Variants in PRKN observed in about 807,000 individuals in gnomAD.
PRKN encodes the protein E3 ubiquitin-protein ligase parkin.
Under a neutral mutation model 59.5 loss-of-function variants are expected in PRKN, and 56 were observed. The ratio of observed to expected loss-of-function variants is 0.94; its 90% CI spans 0.76 to 1.18. The LOEUF (loss-of-function observed/expected upper bound fraction) is 1.18, where lower values mean the gene tolerates loss of function less well. Ranked by LOEUF, PRKN falls within the 50% of genes most tolerant of loss-of-function variation. PRKN has a pLI of 0.00. For missense variants in PRKN, 657 were observed against 596.4 expected (o/e 1.10, Z -1.06); for synonymous variants, 250 against 222.1 (o/e 1.13, Z -1.12).
chr6:161,829,400 GTT>G (rs1353651261), intron 6 of PRKN, among the ~76,000 whole-genome samples: 1 of 152,160 alleles, frequency 6.6e-6, no homozygotes, highest in Non-Finnish European at 1.5e-5. Flanking sequence ...TGACAGTTTT[GTT>G]TTGTTTTTTC....
intron 1 of PRKN, among the ~76,000 whole-genome samples, chr6:162,513,551 GAGAA>G (rs1481883322): frequency 1.3e-5 from 2 of 152,142 alleles, no homozygotes; most frequent in African/African-American, 2.4e-5. Flanking sequence ...GAGAGAGACA[GAGAA>G]AGAAGGAAGG....
At chr6:161,553,067 T>C in intron 8 of PRKN, among the ~76,000 whole-genome samples, 1 of 151,042 alleles carries the variant, frequency 6.6e-6, no homozygotes, top group East Asian at 2.2e-4. Context: ...AATCACTCTC[T>C]TGTTTTTCTT....
chr6:161,726,515 G>T (rs1185720824), intron 7 of PRKN, among the ~76,000 whole-genome samples: 1 of 152,158 alleles, frequency 6.6e-6, no homozygotes, highest in Non-Finnish European at 1.5e-5. Flanking sequence ...TCTTGATCTT[G>T]AATCCAAGAA....
chr6:162,727,312 C>CGAAGGTGAGGGGCGGCGGCGGGGA (rs1779289037), intron 1 of PRKN: 4 of 360,596 alleles, frequency 1.1e-5, no homozygotes, highest in African/African-American at 6.6e-5. Flanking sequence ...GGCGGCGGGG[C>CGAAGGTGAGGGGCGGCGGCGGGGA]GAAGGTGAGG....
chr6:161,521,000 C>T (rs112418398), intron 9 of PRKN, among the ~76,000 whole-genome samples: 5 of 152,126 alleles, frequency 3.3e-5, no homozygotes, highest in African/African-American at 9.7e-5. Context: ...GTCATTATTA[C>T]GAATAAACTC....
At chr6:161,897,888 A>G (rs1014790149) in intron 6 of PRKN, among the ~76,000 whole-genome samples, 3 of 134,416 alleles carry the variant, frequency 2.2e-5, no homozygotes, top group African/African-American at 5.6e-5. Flanking sequence ...AATGGCGTGA[A>G]CCCGGGAGGC....
At chr6:161,438,569 T>G (rs1789040602) in intron 9 of PRKN, among the ~76,000 whole-genome samples, 1 of 152,070 alleles carries the variant, frequency 6.6e-6, no homozygotes, top group South Asian at 2.1e-4. Context: ...TACTTTAAAC[T>G]CATAGGTTTT....
chr6:162,220,958 T>C (rs1400148881), intron 3 of PRKN, among the ~76,000 whole-genome samples: 1 of 152,214 alleles, frequency 6.6e-6, no homozygotes, highest in African/African-American at 2.4e-5. Flanking sequence ...CCTGCATGGC[T>C]TTGGCCAGCT....
At chr6:162,627,459 G>C (rs1782939879) in intron 1 of PRKN, among the ~76,000 whole-genome samples, 1 of 152,162 alleles carries the variant, frequency 6.6e-6, no homozygotes, top group Admixed American at 6.5e-5. Context: ...TATTTTATAG[G>C]TAATGAGGAG....
chr6:162,462,709 T>C (rs1791231306), intron 1 of PRKN, among the ~76,000 whole-genome samples: 1 of 152,156 alleles, frequency 6.6e-6, no homozygotes, highest in South Asian at 2.1e-4. Flanking sequence ...TGAACAAAAA[T>C]ATTACGGATC....
At position 162,428,700 on chromosome 6, in the gene PRKN, C is replaced by T. The variant is rs541195190; in HGVS notation, c.171+14610G>A. 8.5e-5 allele frequency among the ~76,000 whole-genome samples: 13 copies of T among 152,322 alleles called. 1 individual carries two copies. Among genetic ancestry groups the T allele is most frequent in the African/African-American group, 3.1e-4 (13 of 41,578 alleles). ...CATTGACACAACCTCTAAAACATCA[C>T]AAAGCTACATGTGTCCCTCCATTAC... On this transcript the variant is annotated intron_variant, in intron 2 of 11. Coordinates refer to ENST00000366898, the MANE Select transcript of PRKN (RefSeq NM_004562.3).
chr6:161,964,332 G>A (rs1780496188), intron 6 of PRKN, among the ~76,000 whole-genome samples: 1 of 151,990 alleles, frequency 6.6e-6, no homozygotes, highest in Non-Finnish European at 1.5e-5. Flanking sequence ...AGGGAGCATG[G>A]TGATCACCTG....
At chr6:162,120,000 T>C (rs1197983278) in intron 4 of PRKN, among the ~76,000 whole-genome samples, 3 of 152,072 alleles carry the variant, frequency 2.0e-5, no homozygotes, top group South Asian at 2.1e-4. Context: ...AAAATAGAAG[T>C]TCTCTGTTTT....
chr6:162,185,686 A>G (rs1228541099), intron 4 of PRKN, among the ~76,000 whole-genome samples: 1 of 152,160 alleles, frequency 6.6e-6, no homozygotes, highest in Non-Finnish European at 1.5e-5. Flanking sequence ...CATGAGATGG[A>G]ATTTAATAGA....
intron 1 of PRKN, chr6:162,727,364 G>T: frequency 2.1e-6 from 1 of 472,158 alleles, no homozygotes; most frequent in Non-Finnish European, 3.7e-6. Context: ...ACACGGTCCG[G>T]GGGACCGCGA....
At chr6:162,296,982 T>C (rs1562649233) in intron 2 of PRKN, among the ~76,000 whole-genome samples, 1 of 151,994 alleles carries the variant, frequency 6.6e-6, no homozygotes, top group Non-Finnish European at 1.5e-5. Flanking sequence ...ACGTGTCCAA[T>C]CATACTTCTA....
At chr6:162,658,933 GA>G (rs1205068821) in intron 1 of PRKN, among the ~76,000 whole-genome samples, 9 of 151,934 alleles carry the variant, frequency 5.9e-5, no homozygotes, top group African/African-American at 2.2e-4. Context: ...ACGTCTTACC[GA>G]TTTTTTAGTA....
intron 6 of PRKN, among the ~76,000 whole-genome samples, chr6:161,850,308 G>A (rs957081130): frequency 1.3e-5 from 2 of 152,114 alleles, no homozygotes; most frequent in Admixed American, 6.5e-5. Flanking sequence ...AGCCAGGCGC[G>A]GCAGCTGACG....
intron 3 of PRKN, among the ~76,000 whole-genome samples, chr6:162,234,478 A>G (rs1778560942): frequency 6.6e-6 from 1 of 152,118 alleles, no homozygotes; most frequent in Admixed American, 6.6e-5. Flanking sequence ...GGATCTGAGG[A>G]GGGTTGGTTC....
Sources: gnomAD v4.1 joint callset for allele counts (sites outside exome capture counted in the v4.1 genomes callset) on GRCh38, gnomAD v4.1.1 for gene constraint, MANE v1.5 for transcripts, NCBI Gene and HGNC (gene_info 2026-07-23, HGNC 2026-07-21) for gene names.